The following EPHA6 variants were observed in gnomAD, a reference collection of about 807,000 sequenced individuals.
The protein encoded by EPHA6 is EPH receptor A6.
Under a neutral mutation model 112.0 loss-of-function variants are expected in EPHA6, and 50 were observed. The observed-to-expected ratio is 0.45, with a 90% CI of 0.36 to 0.56. EPHA6 has a LOEUF of 0.56. Ranked by LOEUF, EPHA6 falls within the 20% of genes least tolerant of loss-of-function variation. The pLI, the probability that EPHA6 is intolerant of heterozygous loss-of-function variation, is 0.00. For missense variants in EPHA6, 1,280 were observed against 1,417.4 expected (o/e 0.90, Z 1.56); for synonymous variants, 529 against 490.7 (o/e 1.08, Z -1.03).
chr3:97,449,886 C>G (rs1478454620), intron 7 of EPHA6, among the ~76,000 whole-genome samples: 2 of 152,022 alleles, frequency 1.3e-5, no homozygotes, highest in Admixed American at 6.6e-5. Flanking sequence ...GTTTCAGATT[C>G]TATGACAGAA....
At chr3:97,073,244 G>A (rs2046413709) in intron 3 of EPHA6, among the ~76,000 whole-genome samples, 1 of 152,040 alleles carries the variant, frequency 6.6e-6, no homozygotes, top group African/African-American at 2.4e-5. Context: ...GATCCAAATT[G>A]TGTATCTTTC....
rs202137104 is a variant in EPHA6, at chr3:97,482,651, TC to T, written c.2075-1282del. 7.5e-3 allele frequency among the ~76,000 whole-genome samples: 1,138 copies of T among 152,364 alleles called. 13 individuals carry two copies. The highest frequency in any genetic ancestry group is 0.026 in the African/African-American group (1,087 of 41,594). On this transcript the variant is annotated intron_variant, in intron 9 of 17. Transcript: ENST00000389672. Reference sequence around the variant, plus strand: ...CAAATTGCTGCTAATATTGGGCATTTCAGCACCTCCTCTAAACTTTATTACC... The same window carrying T: ...CAAATTGCTGCTAATATTGGGCATTTAGCACCTCCTCTAAACTTTATTACC...
chr3:97,153,905 C>G (rs2076227594), intron 3 of EPHA6, among the ~76,000 whole-genome samples: 1 of 152,078 alleles, frequency 6.6e-6, no homozygotes, highest in Non-Finnish European at 1.5e-5. Context: ...GTGGGTCGCT[C>G]CTATAATCCC....
chr3:97,388,497 A>T (rs2086202088), intron 5 of EPHA6, among the ~76,000 whole-genome samples: 1 of 152,124 alleles, frequency 6.6e-6, no homozygotes, highest in Non-Finnish European at 1.5e-5. Context: ...GAAAGAGGAG[A>T]GGATAACAAT....
intron 3 of EPHA6, among the ~76,000 whole-genome samples, chr3:97,082,312 G>A (rs2046747060): frequency 6.6e-6 from 1 of 151,798 alleles, no homozygotes; most frequent in Non-Finnish European, 1.5e-5. Flanking sequence ...AATCAGATAT[G>A]GGATTCACAC....
rs748675557 is a variant in EPHA6 at position 96,987,606 on chromosome 3, G to A, written c.727G>A (p.Asp243Asn). Reference protein sequence around the residue: ...KFKPNQYTKIDTIAADESFTQ... With the variant: ...KFKPNQYTKINTIAADESFTQ... The stretch of plus-strand genomic sequence containing the variant: ...CAAGCCAAACCAGTATACAAAGATC[G>A]ACACAATTGCTGCTGATGAGAGTTT... The change falls in exon 3 of 18, where the codon GAC becomes AAC. Residue 243 changes from aspartate to asparagine, a missense_variant. Transcript: ENST00000389672. 4.3e-6 allele frequency: 7 copies of A among 1,613,270 alleles called. No individual in the cohort carries two copies. Among genetic ancestry groups the A allele is most frequent in the South Asian group, 2.2e-5 (2 of 91,050 alleles).
chr3:97,315,024 C>T (rs1204809932), intron 5 of EPHA6, among the ~76,000 whole-genome samples: 2 of 150,612 alleles, frequency 1.3e-5, no homozygotes, highest in African/African-American at 4.9e-5. Flanking sequence ...TCTGGTTGAA[C>T]ACTTACTGTA....
chr3:97,137,312 C>T (rs1436002396), intron 3 of EPHA6, among the ~76,000 whole-genome samples: 1 of 152,094 alleles, frequency 6.6e-6, no homozygotes, highest in Non-Finnish European at 1.5e-5. Context: ...ACTCCTCCTG[C>T]CCCAGATTGC....
chr3:96,825,832 A>G (rs1461517839), intron 1 of EPHA6, among the ~76,000 whole-genome samples: 1 of 151,834 alleles, frequency 6.6e-6, no homozygotes. Context: ...TTTTAAATTA[A>G]ACATTTTATG....
At chr3:97,597,583 A>G (rs1274256213) in intron 12 of EPHA6, among the ~76,000 whole-genome samples, 1 of 152,222 alleles carries the variant, frequency 6.6e-6, no homozygotes, top group African/African-American at 2.4e-5. Context: ...CCAGATTTCT[A>G]TAAACCACAT....
intron 16 of EPHA6, among the ~76,000 whole-genome samples, chr3:97,744,577 G>A (rs2035634470): frequency 6.6e-6 from 1 of 152,006 alleles, no homozygotes; most frequent in Admixed American, 6.6e-5. Context: ...GGTCACTGAA[G>A]ATGCGTGGAG....
intron 3 of EPHA6, among the ~76,000 whole-genome samples, chr3:97,210,372 T>C (rs2077835005): frequency 6.6e-6 from 1 of 151,996 alleles, no homozygotes; most frequent in Non-Finnish European, 1.5e-5. Flanking sequence ...AACCTTCAGA[T>C]CTCATGATAA....
At chr3:97,162,129 GTC>G (rs2076429037) in intron 3 of EPHA6, among the ~76,000 whole-genome samples, 1 of 152,166 alleles carries the variant, frequency 6.6e-6, no homozygotes. Flanking sequence ...TCTAGGATCT[GTC>G]TCTCTCCTGC....
Position 97,610,799 on chromosome 3 carries a change from C to T in EPHA6, c.2519C>T (p.Pro840Leu). 1 of 1,611,404 alleles carries T rather than the reference C, an allele frequency of 6.2e-7. No individual in the cohort carries two copies. ...TTCTCTTGCTCTTTTGCAGGCAGACCAGTAATGATTGTGGTGGAATATATG... is the reference window on the plus strand; with the variant it reads ...TTCTCTTGCTCTTTTGCAGGCAGACTAGTAATGATTGTGGTGGAATATATG... ...SLPPRIPAGR[P>L]VMIVVEYMEN... Residue 840 changes from proline to leucine, a missense_variant, in exon 13 of 18, where the codon CCA becomes CTA. This residue lies in a region of EPHA6 where 878 missense variants were observed against 999.7 expected (regional missense o/e 0.88). Coordinates refer to ENST00000389672, the MANE Select transcript of EPHA6 (RefSeq NM_001080448.3).
At chr3:97,176,776 T>A (rs1278260291) in intron 3 of EPHA6, among the ~76,000 whole-genome samples, 1 of 151,920 alleles carries the variant, frequency 6.6e-6, no homozygotes, top group Admixed American at 6.6e-5. Context: ...TATTTGGATC[T>A]TCTCTTTCTT....
At chr3:97,220,962 G>A (rs1366956621) in intron 3 of EPHA6, among the ~76,000 whole-genome samples, 1 of 152,142 alleles carries the variant, frequency 6.6e-6, no homozygotes, top group East Asian at 1.9e-4. Flanking sequence ...TCCAAAAGAT[G>A]TAGTGATTTA....
intron 5 of EPHA6, among the ~76,000 whole-genome samples, chr3:97,305,201 G>A (rs1017809585): frequency 1.8e-4 from 27 of 151,988 alleles, no homozygotes; most frequent in African/African-American, 6.5e-4. Flanking sequence ...ATGCCAGTCA[G>A]CATGGTGATT....
chr3:97,008,139 G>A (rs1351113349), intron 3 of EPHA6, among the ~76,000 whole-genome samples: 5 of 152,090 alleles, frequency 3.3e-5, no homozygotes, highest in African/African-American at 9.7e-5. Flanking sequence ...TTCTGAATTT[G>A]CATGTTGGTC....
intron 4 of EPHA6, among the ~76,000 whole-genome samples, chr3:97,240,340 A>G (rs1331643257): frequency 1.3e-5 from 2 of 151,824 alleles, no homozygotes; most frequent in Admixed American, 1.3e-4. Context: ...ATATGAATAA[A>G]TTTGTTTTCT....
Sources: gnomAD v4.1 joint callset for allele counts (sites outside exome capture counted in the v4.1 genomes callset) on GRCh38, gnomAD v4.1.1 for gene constraint, gnomAD v4.1.1 regional missense constraint, MANE v1.5 for transcripts, NCBI Gene and HGNC (gene_info 2026-07-23, HGNC 2026-07-21) for gene names.